SH2D4B: variants seen among roughly 807,000 people sequenced by gnomAD.
SH2D4B encodes the protein SH2 domain-containing protein 4B.
Under a neutral mutation model 61.5 loss-of-function variants are expected in SH2D4B, and 45 were observed. The ratio of observed to expected loss-of-function variants is 0.73; its 90% CI spans 0.58 to 0.94. The LOEUF (loss-of-function observed/expected upper bound fraction) is 0.94. Among genes scored for constraint, SH2D4B ranks in the 40% least tolerant of loss-of-function variants. The probability of loss-of-function intolerance (pLI) is 0.00; values close to 1 mark genes in which losing one functional copy is unlikely to be tolerated. For missense variants in SH2D4B, 572 were observed against 574.2 expected (o/e 1.00, Z 0.04); for synonymous variants, 224 against 220.4 (o/e 1.02, Z -0.14).
Position 80,538,829 on chromosome 10 carries a change from C to T in SH2D4B, c.184+314C>T, listed in dbSNP as rs1589326375. ...ACCATTGAGACTTCAGATTGTGCTC[C>T]GACGTGGTTGGCAATGGTAGGGTGA... On this transcript the variant is annotated intron_variant, in intron 1 of 7. Coordinates refer to ENST00000646907, the MANE Select transcript of SH2D4B (RefSeq NM_001388272.1). This position sits in a 1 kb window ranked among gnomAD's most constrained non-coding sequence, Gnocchi z 4.8. Among the ~76,000 whole-genome samples the T allele has an allele frequency of 6.6e-6, 1 of 152,180 alleles. No individual in the cohort carries two copies. Among genetic ancestry groups the T allele is most frequent in the South Asian group, 2.1e-4 (1 of 4,826 alleles).
chr10:80,538,060 G>A lies in SH2D4B; in HGVS notation c.-272G>A. The A allele has an allele frequency of 4.6e-6, 1 of 218,518 alleles. No individual in the cohort carries two copies. Among genetic ancestry groups the A allele is most frequent in the Middle Eastern group, 1.5e-3 (1 of 688 alleles). The allele number at this position is 218,518 out of a possible 1,614,324, so 13.5% of individuals were successfully genotyped here. A position where few individuals can be genotyped will look rare whatever the true frequency, so the allele number is the denominator to read the frequency against. ...GCCGTGCTTGGTGACCCAGGAGAAG[G>A]ACTAGATTGCTCCTGGTGGTTGCTC... On this transcript the variant is annotated 5_prime_UTR_variant, in exon 1 of 8. Transcript: ENST00000646907. This position sits in a 1 kb window ranked among gnomAD's most constrained non-coding sequence, Gnocchi z 4.8.
Position 80,591,011 on chromosome 10 carries a change from T to A in SH2D4B, c.643+2234T>A, listed in dbSNP as rs190265508. ...CACCAAAACATTATGTGGCTTTTGG[T>A]GTCTGACTTTGCTTAGCACAATGTT... On this transcript the variant is annotated intron_variant, in intron 4 of 7. Transcript: ENST00000646907. Among the ~76,000 whole-genome samples the A allele has an allele frequency of 2.0e-5, 3 of 150,674 alleles. No individual in the cohort carries two copies. In the East Asian group the frequency reaches 6.0e-4, roughly 30 times the overall value.
chr10:80,562,357 G>GT (rs1207526154), intron 1 of SH2D4B, among the ~76,000 whole-genome samples: 13 of 152,208 alleles, frequency 8.5e-5, no homozygotes, highest in African/African-American at 2.9e-4. Flanking sequence ...ATCAAAATCA[G>GT]TTTTTTCTCA....
chr10:80,633,841 A>G (rs1184194634), intron 6 of SH2D4B, among the ~76,000 whole-genome samples: 2 of 152,214 alleles, frequency 1.3e-5, no homozygotes, highest in African/African-American at 4.8e-5. Flanking sequence ...GTGCTTATTT[A>G]TGGTACTAGA....
chr10:80,604,755 C>T (rs186533069), intron 5 of SH2D4B, among the ~76,000 whole-genome samples: 13 of 151,892 alleles, frequency 8.6e-5, no homozygotes, highest in African/African-American at 3.1e-4. Context: ...CCATCTACTC[C>T]ACTCCCCCTT....
At chr10:80,633,637 A>G (rs1294889409) in intron 6 of SH2D4B, among the ~76,000 whole-genome samples, 1 of 152,228 alleles carries the variant, frequency 6.6e-6, no homozygotes, top group East Asian at 1.9e-4. Context: ...CAGCATATCA[A>G]CGACTCCAAG....
At chr10:80,565,125 C>A (rs1841948149) in intron 1 of SH2D4B, among the ~76,000 whole-genome samples, 1 of 152,232 alleles carries the variant, frequency 6.6e-6, no homozygotes, top group African/African-American at 2.4e-5. Flanking sequence ...CCAAGACTCC[C>A]CTGTTGTTAC....
At position 80,538,595 on chromosome 10, in the gene SH2D4B, T is replaced by C; in HGVS notation, c.184+80T>C. ...AAATTAGCAGGGCCAGGCTGTGCCC[T>C]TCTTCAAGATGGGCACTGGGGTGAT... On this transcript the variant is annotated intron_variant, in intron 1 of 7. Transcript: ENST00000646907. The surrounding 1 kb of genome is among the most constrained non-coding windows in gnomAD (Gnocchi z 4.8). 1 of 1,172,324 alleles carries C rather than the reference T, an allele frequency of 8.5e-7. No individual in the cohort carries two copies. The allele number at this position is 1,172,324 out of a possible 1,614,324, so 72.6% of individuals were successfully genotyped here. A position where few individuals can be genotyped will look rare whatever the true frequency, so the allele number is the denominator to read the frequency against.
At chr10:80,570,821 A>G (rs1842032563) in intron 2 of SH2D4B, among the ~76,000 whole-genome samples, 1 of 152,128 alleles carries the variant, frequency 6.6e-6, no homozygotes, top group African/African-American at 2.4e-5. Flanking sequence ...TAATCTGACA[A>G]GCATCTTTTA....
intron 1 of SH2D4B, among the ~76,000 whole-genome samples, chr10:80,558,141 AT>A (rs1165775066): frequency 6.6e-6 from 1 of 151,948 alleles, no homozygotes; most frequent in Non-Finnish European, 1.5e-5. Context: ...TTTGAAAGAA[AT>A]TTTTTCAAGT....
At chr10:80,602,190 G>T (rs1451773711) in intron 4 of SH2D4B, among the ~76,000 whole-genome samples, 1 of 152,190 alleles carries the variant, frequency 6.6e-6, no homozygotes, top group Non-Finnish European at 1.5e-5. Flanking sequence ...GTCGTGCGTG[G>T]GGGTTCACTC....
At position 80,619,207 on chromosome 10, in the gene SH2D4B, C is replaced by G. The variant is rs1338194180; in HGVS notation, c.988+9656C>G. ...GTGGGGCCAGCGGGGCTGCAGTGGC[C>G]TGCCTGTGATAGTCAGTGCTGGCAC... On this transcript the variant is annotated intron_variant, in intron 6 of 7. Coordinates refer to ENST00000646907, the MANE Select transcript of SH2D4B (RefSeq NM_001388272.1). 2.6e-5 allele frequency among the ~76,000 whole-genome samples: 4 copies of G among 152,200 alleles called. No homozygotes were observed. The East Asian group carries it at 7.7e-4, about 29-fold the overall frequency.
In SH2D4B at chr10:80,634,391, C is replaced by T. The variant is rs201654592; in HGVS notation, c.1095C>T (p.Arg365=). 4.8e-4 allele frequency: 745 copies of T among 1,550,482 alleles called. 1 individual carries two copies. Among genetic ancestry groups the T allele is most frequent in the Non-Finnish European group, 4.7e-4 (540 of 1,146,982 alleles). The change falls in exon 7 of 8, where the codon CGC becomes CGT. Residue 365 remains arginine, a synonymous_variant. Coordinates refer to ENST00000646907, the MANE Select transcript of SH2D4B (RefSeq NM_001388272.1). ...EKIWGYTLSY[R]LQKGFKHFLV... is the part of the protein sequence containing the mutation. ...TCTGGGGTTACACCCTCTCCTACCG[C>T]CTGCAGAAAGGGTTCAAACACTTTC...
At chr10:80,628,558 GA>G (rs1842790852) in intron 6 of SH2D4B, among the ~76,000 whole-genome samples, 1 of 152,192 alleles carries the variant, frequency 6.6e-6, no homozygotes, top group African/African-American at 2.4e-5. Flanking sequence ...AGTGAATGGG[GA>G]AGGAAAACAT....
chr10:80,567,304 C>T (rs923570074), intron 1 of SH2D4B, among the ~76,000 whole-genome samples: 3 of 152,204 alleles, frequency 2.0e-5, no homozygotes, highest in Non-Finnish European at 2.9e-5. Context: ...TGTAGTCAGT[C>T]ATCTGTGGGC....
intron 4 of SH2D4B, among the ~76,000 whole-genome samples, chr10:80,598,510 C>T (rs1197604337): frequency 6.6e-6 from 1 of 152,154 alleles, no homozygotes. Context: ...AGTTAAACTC[C>T]AGAGCCTGTC....
chr10:80,596,905 G>A (rs1842391586), intron 4 of SH2D4B, among the ~76,000 whole-genome samples: 1 of 152,104 alleles, frequency 6.6e-6, no homozygotes, highest in Non-Finnish European at 1.5e-5. Flanking sequence ...GTATACGCTT[G>A]GCCTTCGGTA....
chr10:80,615,668 C>T (rs1452260026), intron 6 of SH2D4B, among the ~76,000 whole-genome samples: 3 of 152,090 alleles, frequency 2.0e-5, no homozygotes, highest in African/African-American at 7.2e-5. Flanking sequence ...GAGAGTGTGC[C>T]AGTCCAAACC....
chr10:80,593,088 C>T (rs1292541511), intron 4 of SH2D4B, among the ~76,000 whole-genome samples: 1 of 152,160 alleles, frequency 6.6e-6, no homozygotes, highest in African/African-American at 2.4e-5. Flanking sequence ...GACATAGTCT[C>T]GATTACTGTA....
Sources: allele counts gnomAD v4.1 joint callset (sites outside exome capture counted in the v4.1 genomes callset), GRCh38; gene constraint gnomAD v4.1.1; non-coding constraint Gnocchi (gnomAD v3.1); transcripts MANE v1.5; gene names NCBI Gene and HGNC (gene_info 2026-07-23, HGNC 2026-07-21).